Variants in GRAMD4 observed in about 807,000 individuals in gnomAD.
The protein encoded by GRAMD4 is GRAM domain containing 4.
A neutral mutation model predicts 83.9 loss-of-function variants in GRAMD4; 25 were observed. That is an observed-to-expected ratio of 0.30 (90% CI 0.22 to 0.42). GRAMD4 has a LOEUF of 0.42. Among genes scored for constraint, GRAMD4 ranks in the 10% least tolerant of loss-of-function variants. GRAMD4 has a pLI of 1.00. For missense variants in GRAMD4, 593 were observed against 788.7 expected (o/e 0.75, Z 2.97); for synonymous variants, 336 against 320.9 (o/e 1.05, Z -0.50).
downstream of GRAMD4, among the ~76,000 whole-genome samples, chr22:46,682,147 G>C (rs914266779): frequency 6.6e-6 from 1 of 152,216 alleles, no homozygotes; most frequent in Non-Finnish European, 1.5e-5. Context: ...TCGGGTCCAC[G>C]TCAGCTGGAA....
rs370564989 is a variant in GRAMD4 at position 46,578,204 on chromosome 22, G to C, written c.-50+914G>C. ...GTTCCCTTCTTGCCTGCCTTGTGTG[G>C]GTTAGGAAGAAAATTCAGAGGTGTC... On this transcript the variant is annotated intron_variant, in intron 1 of 1. Coordinates refer to the GRAMD4 transcript ENST00000431155. 8.5e-5 allele frequency among the ~76,000 whole-genome samples: 13 copies of C among 152,300 alleles called. No homozygotes were observed. In the East Asian group the frequency reaches 2.5e-3, roughly 29 times the overall value.
intron 2 of GRAMD4, 110 bp from the exon 3 acceptor site, chr22:46,637,729 AC>A: frequency 9.2e-7 from 1 of 1,092,568 alleles, no homozygotes; most frequent in Non-Finnish European, 1.3e-6. Context: ...GGTCCCTTTC[AC>A]ATGCCACTGC....
At chr22:46,602,338 C>T (rs968618624) in intron 1 of GRAMD4, among the ~76,000 whole-genome samples, 17 of 152,212 alleles carry the variant, frequency 1.1e-4, no homozygotes, top group African/African-American at 4.1e-4. Flanking sequence ...ACATGCTGTG[C>T]CTCTTTGCCA....
At chr22:46,675,774 G>A (rs1160534370) in intron 17 of GRAMD4, among the ~76,000 whole-genome samples, 1 of 152,196 alleles carries the variant, frequency 6.6e-6, no homozygotes, top group Non-Finnish European at 1.5e-5. Context: ...TCTCAAAGTG[G>A]AGGGGCTGGG....
chr22:46,622,122 G>T lies in GRAMD4; in HGVS notation c.-50+1557G>T, dbSNP rs2081584728. ...GATGGTGACAGGCGGGACACTCAGG[G>T]CCTTTGTCCCCTCTCTCATTGCCTC... On this transcript the variant is annotated intron_variant, in intron 1 of 18. Transcript: ENST00000406902. The surrounding 1 kb of genome is among the most constrained non-coding windows in gnomAD (Gnocchi z 4.0). Among the ~76,000 whole-genome samples the T allele has an allele frequency of 6.6e-6, 1 of 152,178 alleles. No individual in the cohort carries two copies. Among genetic ancestry groups the T allele is most frequent in the African/African-American group, 2.4e-5 (1 of 41,440 alleles).
chr22:46,639,693 T>C (rs1210698563), intron 3 of GRAMD4, among the ~76,000 whole-genome samples: 1 of 152,176 alleles, frequency 6.6e-6, no homozygotes, highest in Non-Finnish European at 1.5e-5. Flanking sequence ...TGCATGCCCA[T>C]GTGCATCAGT....
At chr22:46,665,839 C>T (rs140264319) in intron 9 of GRAMD4, 133 bp downstream of exon 9, 10 of 614,984 alleles carry the variant, frequency 1.6e-5, no homozygotes, top group African/African-American at 1.4e-4. Flanking sequence ...CCCTGACAGG[C>T]TCCAGAGACC....
chr22:46,616,805 T>C (rs2081504775), upstream of GRAMD4, among the ~76,000 whole-genome samples: 2 of 137,132 alleles, frequency 1.5e-5, no homozygotes, highest in African/African-American at 2.8e-5. Context: ...GGTTCCCCTG[T>C]GTGTGTAGGT....
chr22:46,657,823 G>A (rs2082266774), intron 3 of GRAMD4, among the ~76,000 whole-genome samples: 1 of 152,250 alleles, frequency 6.6e-6, no homozygotes, highest in Non-Finnish European at 1.5e-5. Context: ...GCCAGGTGTG[G>A]TCAGCGTCCT....
chr22:46,625,379 G>A (rs920034026), intron 1 of GRAMD4, among the ~76,000 whole-genome samples: 7 of 152,248 alleles, frequency 4.6e-5, no homozygotes, highest in African/African-American at 1.7e-4. Context: ...GGGCAGGCAT[G>A]TAGGAGCTGG....
At chr22:46,638,214 T>TG (rs1480919919) in intron 3 of GRAMD4, among the ~76,000 whole-genome samples, 1 of 152,100 alleles carries the variant, frequency 6.6e-6, no homozygotes, top group Non-Finnish European at 1.5e-5. Flanking sequence ...CCACAGGGGC[T>TG]GGGGGCGTGG....
In GRAMD4 at chr22:46,668,179, GGCGCCGGCCAGGGGTGTGTCT is replaced by G. The variant is rs1274061237; in HGVS notation, c.930+18_930+38del. On this transcript the variant is annotated intron_variant, in intron 11 of 18. Coordinates refer to ENST00000406902, the MANE Select transcript of GRAMD4 (RefSeq NM_015124.5). ...CCCAGAAAGCCCAGGTACTGCCACG[GGCGCCGGCCAGGGGTGTGTCT>G]GCGCCAGCCATGGGCACCAGCCAGG... 4 of 1,602,860 alleles carry G rather than the reference GGCGCCGGCCAGGGGTGTGTCT, an allele frequency of 2.5e-6. No individual in the cohort carries two copies. The highest frequency in any genetic ancestry group is 1.1e-5 in the South Asian group (1 of 90,834).
At chr22:46,592,883 G>C (rs2081224336) in intron 1 of GRAMD4, among the ~76,000 whole-genome samples, 1 of 152,140 alleles carries the variant, frequency 6.6e-6, no homozygotes, top group Non-Finnish European at 1.5e-5. Context: ...GAGCCTATAT[G>C]ACCTATTTAT....
intron 7 of GRAMD4, 61 bp downstream of exon 7, chr22:46,663,924 G>T: frequency 1.3e-6 from 2 of 1,593,850 alleles, no homozygotes; most frequent in Non-Finnish European, 1.7e-6. Flanking sequence ...GCCCATGGCG[G>T]TGGGGACTCT....
chr22:46,648,700 A>T (rs1472048280), intron 3 of GRAMD4, among the ~76,000 whole-genome samples: 1 of 126,182 alleles, frequency 7.9e-6, no homozygotes, highest in Non-Finnish European at 1.7e-5. Context: ...GGATGGATGC[A>T]TGGATGGATG....
At chr22:46,644,232 G>GTTCCATGTTACACCTGTCCCTT (rs2082031801) in intron 3 of GRAMD4, among the ~76,000 whole-genome samples, 1 of 151,992 alleles carries the variant, frequency 6.6e-6, no homozygotes, top group African/African-American at 2.4e-5. Flanking sequence ...ACCTGTCCCT[G>GTTCCATGTTACACCTGTCCCTT]TTCCGTGTTA....
At position 46,587,742 on chromosome 22, in the gene GRAMD4, A is replaced by C. The variant is rs546960123; in HGVS notation, c.-50+10452A>C. Reference sequence around the variant, plus strand: ...GGACCCAGAGGCACTGGCCCGAGGTAGGGTTGAAACAGGTGGAACTGACTG... The same window carrying C: ...GGACCCAGAGGCACTGGCCCGAGGTCGGGTTGAAACAGGTGGAACTGACTG... On this transcript the variant is annotated intron_variant, in intron 1 of 1. Transcript: ENST00000431155. Among the ~76,000 whole-genome samples the C allele has an allele frequency of 9.9e-5, 15 of 152,166 alleles. 1 individual carries two copies. In the South Asian group the frequency reaches 3.1e-3, roughly 32 times the overall value.
intron 1 of GRAMD4, among the ~76,000 whole-genome samples, chr22:46,594,560 G>A (rs1291873940): frequency 6.7e-6 from 1 of 148,180 alleles, no homozygotes; most frequent in Non-Finnish European, 1.5e-5. Flanking sequence ...TTGCTTGTGT[G>A]GGTGGTGAGG....
At chr22:46,643,372 T>C (rs953083455) in intron 3 of GRAMD4, among the ~76,000 whole-genome samples, 3 of 149,876 alleles carry the variant, frequency 2.0e-5, no homozygotes, top group Non-Finnish European at 4.4e-5. Flanking sequence ...TCCATCCATG[T>C]ATTCTTTTTT....
Sources: allele counts gnomAD v4.1 joint callset (sites outside exome capture counted in the v4.1 genomes callset), GRCh38; gene constraint gnomAD v4.1.1; non-coding constraint Gnocchi (gnomAD v3.1); transcripts MANE v1.5; gene names NCBI Gene and HGNC (gene_info 2026-07-23, HGNC 2026-07-21).